Variants in RBM46 observed in about 807,000 individuals in gnomAD.
RBM46 encodes the protein RNA binding motif protein 46.
Under a neutral mutation model 43.3 loss-of-function variants are expected in RBM46, and 12 were observed. The observed-to-expected ratio is 0.28, with a 90% confidence interval of 0.18 to 0.45. The LOEUF (loss-of-function observed/expected upper bound fraction) is 0.45, where lower values mean the gene tolerates loss of function less well. RBM46 is among the 20% of genes least tolerant of loss of function. The pLI, the probability that RBM46 is intolerant of heterozygous loss-of-function variation, is 1.00. For missense variants in RBM46, 412 were observed against 639.1 expected (o/e 0.64, Z 3.83); for synonymous variants, 205 against 207.6 (o/e 0.99, Z 0.11).
intron 4 of RBM46, among the ~76,000 whole-genome samples, chr4:154,820,206 A>G (rs1187815628): frequency 6.6e-6 from 1 of 151,836 alleles, no homozygotes; most frequent in Non-Finnish European, 1.5e-5. Context: ...AACTCCAGAA[A>G]TAACTATTTG....
intron 4 of RBM46, among the ~76,000 whole-genome samples, chr4:154,826,441 A>G (rs1334790526): frequency 1.3e-5 from 2 of 152,120 alleles, no homozygotes; most frequent in Non-Finnish European, 2.9e-5. Flanking sequence ...TTGGGCAACA[A>G]GAGTGAAACT....
In RBM46 at chr4:154,803,557, G is replaced by T. The variant is rs552771658; in HGVS notation, c.1402+3993G>T. Among the ~76,000 whole-genome samples, 407 of 151,830 alleles carry T rather than the reference G, an allele frequency of 2.7e-3. 3 individuals carry two copies. Among genetic ancestry groups the T allele is most frequent in the Middle Eastern group, 0.02 (6 of 294 alleles). ...CTCTACTAAAAATACAAAAAAATTAGCCGGGCGTGGTGGCAGGCGCCTGTA... is the reference window on the plus strand; with the variant it reads ...CTCTACTAAAAATACAAAAAAATTATCCGGGCGTGGTGGCAGGCGCCTGTA... On this transcript the variant is annotated intron_variant, in intron 4 of 4. Coordinates refer to ENST00000281722, the MANE Select transcript of RBM46 (RefSeq NM_144979.5).
intron 4 of RBM46, among the ~76,000 whole-genome samples, chr4:154,815,594 G>A (rs553362905): frequency 6.6e-6 from 1 of 151,992 alleles, no homozygotes; most frequent in East Asian, 1.9e-4. Flanking sequence ...AGGGCATTAC[G>A]CTATTGTATT....
chr4:154,797,983 C>T lies in RBM46; in HGVS notation c.324C>T (p.Tyr108=), dbSNP rs371837582. 3.1e-6 allele frequency: 5 copies of T among 1,612,014 alleles called. No homozygotes were observed. In the African/African-American group the frequency reaches 6.7e-5, roughly 22 times the overall value. ...GENRGYAFVM[Y]TTKEEAQLAI... ...ATCGAGGTTATGCTTTTGTGATGTA[C>T]ACTACAAAAGAAGAAGCCCAATTAG... Residue 108 remains tyrosine, a synonymous_variant, in exon 3 of 5, where the codon TAC becomes TAT. Coordinates refer to ENST00000281722, the MANE Select transcript of RBM46 (RefSeq NM_144979.5).
Position 154,828,206 on chromosome 4 carries a change from G to A in RBM46, c.*139G>A. The A allele has an allele frequency of 1.6e-6, 1 of 641,286 alleles. No individual in the cohort carries two copies. Among genetic ancestry groups the A allele is most frequent in the Non-Finnish European group, 2.7e-6 (1 of 368,456 alleles). The allele number at this position is 641,286 out of a possible 1,614,324, so 39.7% of individuals were successfully genotyped here. ...ATTTATTCCAAAGTACTAAACATCA[G>A]CTATAATTCAGAATAACATGGAGTT... On this transcript the variant is annotated 3_prime_UTR_variant, in exon 5 of 5. Coordinates refer to ENST00000281722, the MANE Select transcript of RBM46 (RefSeq NM_144979.5).
At chr4:154,813,428 A>C (rs1735280835) in intron 4 of RBM46, among the ~76,000 whole-genome samples, 2 of 152,178 alleles carry the variant, frequency 1.3e-5, no homozygotes, top group Admixed American at 1.3e-4. Flanking sequence ...ATATATATGT[A>C]TATAAATTTG....
At position 154,827,953 on chromosome 4, in the gene RBM46, T is replaced by C; in HGVS notation, c.1488T>C (p.Tyr496=). ...LSSGTPSVLP[Y]TSRPYSYPGY... is the part of the protein sequence containing the mutation. ...CTGGGACTCCCAGCGTGCTTCCTTA[T>C]ACTTCAAGGCCTTATTCTTATCCAG... Residue 496 remains tyrosine, a synonymous_variant, in exon 5 of 5, where the codon TAT becomes TAC. Transcript: ENST00000281722. 1 of 1,613,888 alleles carries C rather than the reference T, an allele frequency of 6.2e-7. No individual in the cohort carries two copies. Among genetic ancestry groups the C allele is most frequent in the Middle Eastern group, 1.6e-4 (1 of 6,062 alleles).
chr4:154,806,122 AT>A (rs1183868178), intron 4 of RBM46, among the ~76,000 whole-genome samples: 2 of 151,772 alleles, frequency 1.3e-5, no homozygotes, highest in Non-Finnish European at 3.0e-5. Flanking sequence ...ATGAAAATGT[AT>A]TTGTATTACT....
intron 4 of RBM46, chr4:154,826,847 C>T: frequency 6.7e-7 from 1 of 1,499,910 alleles, no homozygotes; most frequent in Non-Finnish European, 8.8e-7. Context: ...CCCATGACAA[C>T]ATTAAGTTAA....
chr4:154,824,470 G>C (rs1199473382), intron 4 of RBM46, among the ~76,000 whole-genome samples: 1 of 151,990 alleles, frequency 6.6e-6, no homozygotes, highest in Non-Finnish European at 1.5e-5. Flanking sequence ...TAGGCAAATA[G>C]ATAATGAAAT....
chr4:154,811,702 A>G (rs916127997), intron 4 of RBM46, among the ~76,000 whole-genome samples: 2 of 103,606 alleles, frequency 1.9e-5, no homozygotes, highest in East Asian at 2.7e-4. Context: ...TGTGTGTGTG[A>G]CAGAGTTTCG....
chr4:154,801,354 G>C (rs115235329), intron 4 of RBM46, among the ~76,000 whole-genome samples: 151 of 152,232 alleles, frequency 9.9e-4, no homozygotes, highest in African/African-American at 3.5e-3. Flanking sequence ...TCAATTATTA[G>C]TTTGGAGATA....
In RBM46 at chr4:154,827,997, C is replaced by CAAT; in HGVS notation, c.1534_1536dup (p.Ile512dup). On this transcript the variant is annotated inframe_insertion, in exon 5 of 5. Transcript: ENST00000281722. ...TATCCAGGCTATCCTTTGTCACCAACAATATCACTTGCTAATGGCAGCCAT... is the reference window on the plus strand; with the variant it reads ...TATCCAGGCTATCCTTTGTCACCAACAATAATATCACTTGCTAATGGCAGCCAT... 6.2e-7 allele frequency: 1 copy of CAAT among 1,613,998 alleles called. No homozygotes were observed. The highest frequency in any genetic ancestry group is 8.5e-7 in the Non-Finnish European group (1 of 1,179,900).
At chr4:154,813,232 A>AAACAC (rs1735269377) in intron 4 of RBM46, among the ~76,000 whole-genome samples, 1 of 152,192 alleles carries the variant, frequency 6.6e-6, no homozygotes, top group African/African-American at 2.4e-5. Flanking sequence ...TGACAGGTAT[A>AAACAC]AACACAGGCA....
intron 1 of RBM46, among the ~76,000 whole-genome samples, chr4:154,796,113 G>T (rs1734339805): frequency 6.6e-6 from 1 of 152,150 alleles, no homozygotes; most frequent in African/African-American, 2.4e-5. Context: ...CACTGCAGGA[G>T]CCACCTTCAC....
Position 154,799,328 on chromosome 4 carries a change from A to G in RBM46, c.1166A>G (p.Asn389Ser), listed in dbSNP as rs761493284. ...ATTAGTATGTATTCTTTAAAATCCAATCATTTTAATTCTGCAGTAATGCAT... is the reference window on the plus strand; with the variant it reads ...ATTAGTATGTATTCTTTAAAATCCAGTCATTTTAATTCTGCAGTAATGCAT... ...TPISMYSLKSNHFNSAVMHLD... is the reference protein window; with the variant it reads ...TPISMYSLKSSHFNSAVMHLD... Residue 389 changes from asparagine (N) to serine (S), a missense_variant, in exon 4 of 5, where the codon AAT becomes AGT. This residue lies in a region of RBM46 where 4 missense variants were observed against 21.6 expected (regional missense o/e 0.19). Transcript: ENST00000281722. 7 of 1,613,902 alleles carry G rather than the reference A, an allele frequency of 4.3e-6. No individual in the cohort carries two copies. The highest frequency in any genetic ancestry group is 1.7e-5 in the Admixed American group (1 of 60,000).
intron 1 of RBM46, among the ~76,000 whole-genome samples, chr4:154,795,086 C>A (rs2111120795): frequency 6.6e-6 from 1 of 152,198 alleles, no homozygotes; most frequent in African/African-American, 2.4e-5. Flanking sequence ...GTTTGTTTTT[C>A]TTACTGTTTT....
At chr4:154,793,129 A>G (rs972295427) in intron 1 of RBM46, among the ~76,000 whole-genome samples, 1 of 152,236 alleles carries the variant, frequency 6.6e-6, no homozygotes, top group East Asian at 1.9e-4. Context: ...GAAAGTAAAT[A>G]TATTTTCTAC....
At chr4:154,820,605 T>C (rs1052802441) in intron 4 of RBM46, among the ~76,000 whole-genome samples, 1 of 151,952 alleles carries the variant, frequency 6.6e-6, no homozygotes, top group Non-Finnish European at 1.5e-5. Flanking sequence ...GTGGTTTCTG[T>C]ATTTTCAGGT....
Sources: allele counts gnomAD v4.1 joint callset (sites outside exome capture counted in the v4.1 genomes callset), GRCh38; gene constraint gnomAD v4.1.1; regional missense constraint gnomAD v4.1.1; transcripts MANE v1.5; gene names NCBI Gene and HGNC (gene_info 2026-07-23, HGNC 2026-07-21).